Variants in ZSWIM4 observed in about 807,000 individuals in gnomAD.
The protein encoded by ZSWIM4 is zinc finger SWIM domain-containing protein 4.
In ZSWIM4, 62 loss-of-function variants were observed where a neutral mutation model predicts 102.5. The observed-to-expected ratio is 0.60, with a 90% CI of 0.49 to 0.75. ZSWIM4 has a LOEUF of 0.75. Among genes scored for constraint, ZSWIM4 ranks in the 30% least tolerant of loss-of-function variants. The probability of loss-of-function intolerance (pLI) is 0.00; values close to 1 mark genes in which losing one functional copy is unlikely to be tolerated. For synonymous variants in ZSWIM4, 652 were observed against 674.5 expected, an observed-to-expected ratio of 0.97 and a Z score of 0.52; for missense variants, 1,280 against 1,529.6, an observed-to-expected ratio of 0.84 and a Z score of 2.72.
Position 13,819,383 on chromosome 19 carries a change from G to A in ZSWIM4, c.1951G>A (p.Val651Met), listed in dbSNP as rs1383747549. Residue 651 changes from valine (V) to methionine (M), a missense_variant, in exon 10 of 14, where the codon GTG becomes ATG. By Grantham distance (21) the Val-to-Met change is conservative (BLOSUM62 1). Coordinates refer to ENST00000590508, the MANE Select transcript of ZSWIM4 (RefSeq NM_001367834.3). The part of the protein sequence containing the change: ...EGGPFSGFGE[V>M]LFRESVPMHT... ...GGGTCCCTTCAGTGGCTTTGGGGAGGTGCTGTTCCGGGAGAGCGTGCCCAT... is the reference window on the plus strand; with the variant it reads ...GGGTCCCTTCAGTGGCTTTGGGGAGATGCTGTTCCGGGAGAGCGTGCCCAT... The A allele has an allele frequency of 6.2e-7, 1 of 1,613,738 alleles. No homozygotes were observed. The highest frequency in any genetic ancestry group is 1.1e-5 in the South Asian group (1 of 90,978).
Position 13,825,495 on chromosome 19 carries a change from A to C in ZSWIM4, c.2216-55A>C. 6.3e-7 allele frequency: 1 copy of C among 1,583,480 alleles called. No homozygotes were observed. The highest frequency in any genetic ancestry group is 8.6e-7 in the Non-Finnish European group (1 of 1,159,566). The stretch of plus-strand genomic sequence containing the variant: ...TGTGTGAACAGGTCGGGTGGTGGTC[A>C]GAGGCTGGTGCTGAGGTGTATCCGA... On this transcript the variant is annotated intron_variant, in intron 11 of 13. Coordinates refer to ENST00000590508, the MANE Select transcript of ZSWIM4 (RefSeq NM_001367834.3). The surrounding 1 kb of genome is among the most constrained non-coding windows in gnomAD (Gnocchi z 4.6).
rs774374910 is a variant in ZSWIM4, at chr19:13,830,969, C to T, written c.3240C>T (p.Phe1080=). 4 of 1,614,004 alleles carry T rather than the reference C, an allele frequency of 2.5e-6. No individual in the cohort carries two copies. The South Asian group carries it at 3.3e-5, about 13-fold the overall frequency. Residue 1080 remains phenylalanine (F), a synonymous_variant, in exon 14 of 14, where the codon TTC becomes TTT. Transcript: ENST00000590508. The part of the protein sequence containing the change: ...FLLAPDGHLQ[F]SQFLENLKQT... ...TGGCGCCCGACGGGCACCTCCAGTT[C>T]TCACAGTTCTTGGAGAACCTCAAAC...
chr19:13,818,666 T>A (rs1975371712), intron 9 of ZSWIM4, among the ~76,000 whole-genome samples: 1 of 149,606 alleles, frequency 6.7e-6, no homozygotes, highest in African/African-American at 2.5e-5. Context: ...CGGGTTCAAG[T>A]GATTCTTCTG....
chr19:13,817,732 C>T lies in ZSWIM4; in HGVS notation c.1680C>T (p.Pro560=). 3.7e-6 allele frequency: 6 copies of T among 1,608,164 alleles called. No homozygotes were observed. Among genetic ancestry groups the T allele is most frequent in the South Asian group, 1.1e-5 (1 of 89,400 alleles). ...CCCTGTCTCCCCCAGACTCAGGCCCCGAGAAGCGGAAGGTGGCCTACCAGC... is the reference window on the plus strand; with the variant it reads ...CCCTGTCTCCCCCAGACTCAGGCCCTGAGAAGCGGAAGGTGGCCTACCAGC... ...ETLTLYPDSG[P]EKRKVAYQHV... is the part of the protein sequence containing the mutation. Residue 560 remains proline, a synonymous_variant, in exon 9 of 14, where the codon CCC becomes CCT. Coordinates refer to ENST00000590508, the MANE Select transcript of ZSWIM4 (RefSeq NM_001367834.3).
chr19:13,806,709 T>C (rs1342478138), intron 3 of ZSWIM4, among the ~76,000 whole-genome samples: 7 of 148,846 alleles, frequency 4.7e-5, no homozygotes, highest in East Asian at 3.9e-4. Context: ...CTGGTGGTGA[T>C]TGGAGGTGAG....
rs1974588244 is a variant in ZSWIM4, at chr19:13,795,639, G to A, written c.-10G>A. On this transcript the variant is annotated 5_prime_UTR_variant, in exon 1 of 14. Coordinates refer to ENST00000590508, the MANE Select transcript of ZSWIM4 (RefSeq NM_001367834.3). ...AGGCCCCGCCCCGGCCCTGGCCCCGGCCGGGCCGGATGGAACCCCCCGCGG... is the reference window on the plus strand; with the variant it reads ...AGGCCCCGCCCCGGCCCTGGCCCCGACCGGGCCGGATGGAACCCCCCGCGG... 1 of 564,474 alleles carries A rather than the reference G, an allele frequency of 1.8e-6. No homozygotes were observed. Among genetic ancestry groups the A allele is most frequent in the Non-Finnish European group, 2.5e-6 (1 of 405,370 alleles). The allele number at this position is 564,474 out of a possible 1,614,324, so 35.0% of individuals were successfully genotyped here. A position where few individuals can be genotyped will look rare whatever the true frequency, so the allele number is the denominator to read the frequency against.
At chr19:13,828,848 C>G in intron 13 of ZSWIM4, 122 bp downstream of exon 13, 1 of 918,982 alleles carries the variant, frequency 1.1e-6, no homozygotes, top group Non-Finnish European at 1.7e-6. Context: ...CACCTGTAAT[C>G]CCAGCACTTT....
intron 5 of ZSWIM4, among the ~76,000 whole-genome samples, chr19:13,811,542 A>C (rs936061509): frequency 9.2e-5 from 14 of 151,942 alleles, no homozygotes; most frequent in Non-Finnish European, 4.4e-5. Context: ...CAACAACAAA[A>C]AAAGGCGCTT....
At chr19:13,804,030 T>G (rs1974846292) in intron 2 of ZSWIM4, among the ~76,000 whole-genome samples, 1 of 150,228 alleles carries the variant, frequency 6.7e-6, no homozygotes, top group Non-Finnish European at 1.5e-5. Flanking sequence ...CCCGGCTAAT[T>G]TTTTTATATT....
At chr19:13,830,128 C>G in intron 13 of ZSWIM4, 63 bp from the exon 14 acceptor site, 1 of 1,556,240 alleles carries the variant, frequency 6.4e-7, no homozygotes, top group Non-Finnish European at 8.7e-7. Context: ...GGTTAACCCA[C>G]GCATACATGT....
rs1237675303 is a variant in ZSWIM4, at chr19:13,817,730, C to T, written c.1678C>T (p.Pro560Ser). Residue 560 changes from proline to serine, a missense_variant, in exon 9 of 14, where the codon CCC becomes TCC. Transcript: ENST00000590508. ...ETLTLYPDSG[P>S]EKRKVAYQHV... ...GGCCCTGTCTCCCCCAGACTCAGGCCCCGAGAAGCGGAAGGTGGCCTACCA... is the reference window on the plus strand; with the variant it reads ...GGCCCTGTCTCCCCCAGACTCAGGCTCCGAGAAGCGGAAGGTGGCCTACCA... The T allele has an allele frequency of 6.2e-7, 1 of 1,608,276 alleles. No individual in the cohort carries two copies. Among genetic ancestry groups the T allele is most frequent in the Non-Finnish European group, 8.5e-7 (1 of 1,178,168 alleles).
intron 1 of ZSWIM4, 143 bp from the exon 2 acceptor site, chr19:13,799,577 G>GT: frequency 1.2e-6 from 1 of 821,650 alleles, no homozygotes; most frequent in Non-Finnish European, 2.0e-6. Flanking sequence ...TGCCCGGCCA[G>GT]TTTTTTTGTA....
chr19:13,813,117 ACTC>A lies in ZSWIM4; in HGVS notation c.1136_1138del (p.Ser379del), dbSNP rs1265710547. ...GTCTGCCCACTGGAAGAGGGCAACTACTCCTTCGACGGCCCCAGCCTGCAGCCC... is the reference window on the plus strand; with the variant it reads ...GTCTGCCCACTGGAAGAGGGCAACTACTTCGACGGCCCCAGCCTGCAGCCC... On this transcript the variant is annotated inframe_deletion, in exon 6 of 14. Coordinates refer to ENST00000590508, the MANE Select transcript of ZSWIM4 (RefSeq NM_001367834.3). 6.2e-7 allele frequency: 1 copy of A among 1,613,144 alleles called. No individual in the cohort carries two copies. The highest frequency in any genetic ancestry group is 8.5e-7 in the Non-Finnish European group (1 of 1,179,718).
chr19:13,809,802 C>T lies in ZSWIM4; in HGVS notation c.1012+582C>T, dbSNP rs561609233. Among the ~76,000 whole-genome samples the T allele has an allele frequency of 4.0e-5, 6 of 151,670 alleles. 1 individual carries two copies. In the South Asian group the frequency reaches 1.2e-3, roughly 32 times the overall value. ...GCCTACATGTTTTGTTTCTTTTTTT[C>T]TTTTTTTAGAGACAGGATCTCACTG... On this transcript the variant is annotated intron_variant, in intron 5 of 13. Transcript: ENST00000590508. This position sits in a 1 kb window ranked among gnomAD's most constrained non-coding sequence, Gnocchi z 4.2.
In ZSWIM4 at chr19:13,830,774, A is replaced by G; in HGVS notation, c.3045A>G (p.Ala1015=). 6.2e-7 allele frequency: 1 copy of G among 1,605,438 alleles called. No individual in the cohort carries two copies. The highest frequency in any genetic ancestry group is 1.1e-5 in the South Asian group (1 of 90,282). Residue 1015 remains alanine, a synonymous_variant, in exon 14 of 14, where the codon GCA becomes GCG. Transcript: ENST00000590508. ...LSAPGLGPLG[A]RRAAKPLGAD... Reference sequence around the variant, plus strand: ...CGCCCGGTCTGGGCCCCTTAGGGGCACGCCGGGCCGCCAAGCCACTGGGTG... The same window carrying G: ...CGCCCGGTCTGGGCCCCTTAGGGGCGCGCCGGGCCGCCAAGCCACTGGGTG...
chr19:13,811,931 C>T (rs1975105940), intron 5 of ZSWIM4, among the ~76,000 whole-genome samples: 2 of 151,818 alleles, frequency 1.3e-5, no homozygotes, highest in Non-Finnish European at 1.5e-5. Context: ...AAAAATTAGC[C>T]AGGCATTGTG....
At chr19:13,803,381 T>C (rs1974826180) in intron 2 of ZSWIM4, among the ~76,000 whole-genome samples, 1 of 152,204 alleles carries the variant, frequency 6.6e-6, no homozygotes, top group South Asian at 2.1e-4. Flanking sequence ...TGGCATTTTC[T>C]CAGGAAATTG....
chr19:13,821,511 C>G (rs563866009), intron 10 of ZSWIM4, among the ~76,000 whole-genome samples: 12 of 152,202 alleles, frequency 7.9e-5, no homozygotes, highest in African/African-American at 1.7e-4. Context: ...TGCCACTGCA[C>G]GCCAGCCTGG....
At chr19:13,805,279 C>A in intron 3 of ZSWIM4, 131 bp downstream of exon 3, 1 of 770,886 alleles carries the variant, frequency 1.3e-6, no homozygotes, top group Non-Finnish European at 2.1e-6. Flanking sequence ...CGCGCCATGG[C>A]CTGCATCATC....
Sources: gnomAD v4.1 joint callset for allele counts (sites outside exome capture counted in the v4.1 genomes callset) on GRCh38, gnomAD v4.1.1 for gene constraint, Gnocchi (gnomAD v3.1) non-coding constraint, MANE v1.5 for transcripts, NCBI Gene and HGNC (gene_info 2026-07-23, HGNC 2026-07-21) for gene names.